The following MYO9B variants were observed in gnomAD, a reference collection of about 807,000 sequenced individuals.
MYO9B encodes the protein myosin IXB.
A neutral mutation model predicts 229.5 loss-of-function variants in MYO9B; 71 were observed. The observed-to-expected ratio is 0.31, with a 90% CI of 0.26 to 0.38. The LOEUF (loss-of-function observed/expected upper bound fraction) is 0.38. Among genes scored for constraint, MYO9B ranks in the 10% least tolerant of loss-of-function variants. The pLI is 1.00. For missense variants in MYO9B, 2,255 were observed against 2,920.5 expected (o/e 0.77, Z 5.25); for synonymous variants, 1,185 against 1,235.8 (o/e 0.96, Z 0.86).
rs1465726235 is a variant in MYO9B at position 17,175,681 on chromosome 19, C to G, written c.2159C>G (p.Ala720Gly). The change falls in exon 14 of 40, where the codon GCC becomes GGC. Residue 720 changes from alanine (A) to glycine (G), a missense_variant. Coordinates refer to ENST00000682292, the MANE Select transcript of MYO9B (RefSeq NM_004145.4). ...CCGGCAGGTATGAGCAGCCCTGGTG[C>G]CCAAAGTCACCCAGAAGAGCTGCCA... ...EKAAGMSSPG[A>G]QSHPEELPRG... is the part of the protein sequence containing the mutation. 6.4e-7 allele frequency: 1 copy of G among 1,574,002 alleles called. No individual in the cohort carries two copies. Among genetic ancestry groups the G allele is most frequent in the African/African-American group, 1.4e-5 (1 of 73,946 alleles).
At chr19:17,151,160 T>C (rs2145262537) in intron 3 of MYO9B, among the ~76,000 whole-genome samples, 1 of 151,850 alleles carries the variant, frequency 6.6e-6, no homozygotes, top group Non-Finnish European at 1.5e-5. Flanking sequence ...GCGCCTGTAA[T>C]CTCAGCTACT....
At chr19:17,143,869 C>T (rs146558724) in intron 2 of MYO9B, among the ~76,000 whole-genome samples, 3 of 151,614 alleles carry the variant, frequency 2.0e-5, no homozygotes, top group South Asian at 2.1e-4. Flanking sequence ...TGCAGTGAGC[C>T]GAGATCGTGC....
chr19:17,212,370 C>T lies in MYO9B; in HGVS notation c.*60C>T. 3 of 1,403,242 alleles carry T rather than the reference C, an allele frequency of 2.1e-6. No individual in the cohort carries two copies. Among genetic ancestry groups the T allele is most frequent in the Non-Finnish European group, 1.9e-6 (2 of 1,078,196 alleles). The allele number at this position is 1,403,242 out of a possible 1,614,324, so 86.9% of individuals were successfully genotyped here. A position where few individuals can be genotyped will look rare whatever the true frequency, so the allele number is the denominator to read the frequency against. ...CGGCCCCTGCACTGGAGCTGGGCGC[C>T]AGAGCTGCAGAGCTAGTGTTCGGCC... On this transcript the variant is annotated 3_prime_UTR_variant, in exon 40 of 40. Coordinates refer to ENST00000682292, the MANE Select transcript of MYO9B (RefSeq NM_004145.4). The surrounding 1 kb of genome is among the most constrained non-coding windows in gnomAD (Gnocchi z 5.4).
At chr19:17,175,824 C>CTTTTTTTTTTT (rs534528766) in intron 14 of MYO9B, 83 bp downstream of exon 14, 2 of 471,924 alleles carry the variant, frequency 4.2e-6, no homozygotes, top group Non-Finnish European at 6.7e-6. Flanking sequence ...ATGCTACATT[C>CTTTTTTTTTTT]TTTTTTTTTT....
chr19:17,099,837 G>C (rs1399024597), intron 1 of MYO9B, among the ~76,000 whole-genome samples: 1 of 138,258 alleles, frequency 7.2e-6, no homozygotes, highest in Non-Finnish European at 1.6e-5. Context: ...AAAAAAAAAG[G>C]CCGGGTGCGG....
In MYO9B at chr19:17,101,655, T is replaced by C. The variant is rs2057745469; in HGVS notation, c.-58-5T>C. 1.4e-6 allele frequency: 2 copies of C among 1,476,610 alleles called. No homozygotes were observed. The highest frequency in any genetic ancestry group is 5.0e-5 in the East Asian group (2 of 40,364). 91.5% of individuals were successfully genotyped at this position (1,476,610 alleles called of 1,614,324 possible). On this transcript the variant is annotated splice_polypyrimidine_tract_variant and splice_region_variant and intron_variant, in intron 1 of 39. Transcript: ENST00000682292. This position sits in a 1 kb window ranked among gnomAD's most constrained non-coding sequence, Gnocchi z 4.7. ...GACCATGCCTGGCTCTGACCTCCCT[T>C]CTAGCTCCAGGACACGCGCGCCCCG...
At chr19:17,209,118 A>G (rs914611608) in intron 35 of MYO9B, among the ~76,000 whole-genome samples, 1 of 151,116 alleles carries the variant, frequency 6.6e-6, no homozygotes, top group Non-Finnish European at 1.5e-5. Context: ...GTTCCTCCCA[A>G]TAATGACCAC....
At chr19:17,200,877 G>A (rs766751208) in intron 26 of MYO9B, 48 bp downstream of exon 26, 7 of 1,585,158 alleles carry the variant, frequency 4.4e-6, no homozygotes, top group Non-Finnish European at 6.0e-6. Flanking sequence ...GGTCCCCAGG[G>A]GAACCATCAC....
chr19:17,102,220 A>G lies in MYO9B; in HGVS notation c.503A>G (p.His168Arg). ...TEGNLLKNLK[H>R]RFLQQKIYTY... is the part of the protein sequence containing the mutation. Reference sequence around the variant, plus strand: ...GGCAACCTCCTGAAGAACCTCAAGCACCGCTTCCTGCAACAAAAGATCTAC... The same window carrying G: ...GGCAACCTCCTGAAGAACCTCAAGCGCCGCTTCCTGCAACAAAAGATCTAC... Residue 168 changes from histidine to arginine, a missense_variant, in exon 2 of 40, where the codon CAC becomes CGC. His to Arg is a conservative substitution (Grantham distance 29). This residue lies in a region of MYO9B where 386 missense variants were observed against 515.2 expected (regional missense o/e 0.75). Transcript: ENST00000682292. 6.2e-7 allele frequency: 1 copy of G among 1,613,844 alleles called. No homozygotes were observed. Among genetic ancestry groups the G allele is most frequent in the Non-Finnish European group, 8.5e-7 (1 of 1,179,860 alleles).
At chr19:17,144,752 T>G (rs1425980767) in intron 2 of MYO9B, among the ~76,000 whole-genome samples, 3 of 151,992 alleles carry the variant, frequency 2.0e-5, no homozygotes, top group Non-Finnish European at 1.5e-5. Context: ...GCGGATTGTC[T>G]GAGCTCAGGA....
chr19:17,211,246 G>A (rs1233853328), intron 38 of MYO9B, among the ~76,000 whole-genome samples: 1 of 152,022 alleles, frequency 6.6e-6, no homozygotes, highest in Non-Finnish European at 1.5e-5. Flanking sequence ...CTCCCAAAGT[G>A]TTGGGATTAC....
intron 14 of MYO9B, 129 bp downstream of exon 14, chr19:17,175,870 T>C (rs2072782335): frequency 1.3e-6 from 1 of 757,534 alleles, no homozygotes; most frequent in African/African-American, 1.8e-5. Context: ...TTCGCTCTTG[T>C]TGCCCAGGCT....
chr19:17,208,351 A>AG, intron 35 of MYO9B, among the ~76,000 whole-genome samples: 1 of 107,192 alleles, frequency 9.3e-6, no homozygotes, highest in South Asian at 3.4e-4. Context: ...AAAAAAAAAA[A>AG]AAATCCAGAT....
chr19:17,097,339 A>AAC (rs971249924), intron 1 of MYO9B, among the ~76,000 whole-genome samples: 5 of 151,832 alleles, frequency 3.3e-5, no homozygotes, highest in Non-Finnish European at 5.9e-5. Flanking sequence ...TAAAAAAAAA[A>AAC]AAACAGCATC....
intron 2 of MYO9B, among the ~76,000 whole-genome samples, chr19:17,119,563 G>A (rs1217321392): frequency 6.6e-6 from 1 of 152,190 alleles, no homozygotes; most frequent in African/African-American, 2.4e-5. Context: ...GAGATGCCCC[G>A]TGGTTCATAC....
intron 2 of MYO9B, among the ~76,000 whole-genome samples, chr19:17,137,534 C>T (rs1248815413): frequency 1.3e-5 from 2 of 152,164 alleles, no homozygotes; most frequent in East Asian, 3.9e-4. Flanking sequence ...TCTGGGGCCC[C>T]CTCCTTATCA....
chr19:17,096,935 C>T (rs1273575097), intron 1 of MYO9B, among the ~76,000 whole-genome samples: 3 of 151,350 alleles, frequency 2.0e-5, no homozygotes, highest in African/African-American at 7.2e-5. Context: ...CGTGATCCGC[C>T]CGCCTCTGCT....
At chr19:17,118,050 C>T (rs2057923808) in intron 2 of MYO9B, among the ~76,000 whole-genome samples, 1 of 151,732 alleles carries the variant, frequency 6.6e-6, no homozygotes, top group South Asian at 2.1e-4. Flanking sequence ...TTGGCAACTG[C>T]TGGAGACATT....
In MYO9B at chr19:17,094,506, C is replaced by T. The variant is rs535434034; in HGVS notation, c.-58-7154C>T. On this transcript the variant is annotated intron_variant, in intron 1 of 39. Coordinates refer to ENST00000682292, the MANE Select transcript of MYO9B (RefSeq NM_004145.4). ...TTGGCATCCCTCCCCACTCCACATC[C>T]CCAAGCAGCCACCGATCAGCTTTCT... 7.2e-5 allele frequency among the ~76,000 whole-genome samples: 11 copies of T among 152,274 alleles called. No individual in the cohort carries two copies. In the South Asian group the frequency reaches 2.3e-3, roughly 32 times the overall value.
Sources: allele counts gnomAD v4.1 joint callset (sites outside exome capture counted in the v4.1 genomes callset), GRCh38; gene constraint gnomAD v4.1.1; regional missense constraint gnomAD v4.1.1; non-coding constraint Gnocchi (gnomAD v3.1); transcripts MANE v1.5; gene names NCBI Gene and HGNC (gene_info 2026-07-23, HGNC 2026-07-21).